Variants in PKIA observed in about 807,000 individuals in gnomAD.
PKIA encodes cAMP-dependent protein kinase inhibitor alpha, also known as PKI-alpha.
In PKIA, 4 loss-of-function variants were observed where a neutral mutation model predicts 7.6. That is an observed-to-expected ratio of 0.52 (90% CI 0.26 to 1.20). The LOEUF is 1.20. PKIA is among the 50% of genes most tolerant of loss of function. PKIA has a pLI of 0.13. For synonymous variants in PKIA, 21 were observed against 30.7 expected (o/e 0.68, Z 1.04); for missense variants, 73 against 86.2 (o/e 0.85, Z 0.61).
At chr8:78,589,378 A>G (rs1808038105) in intron 2 of PKIA, among the ~76,000 whole-genome samples, 1 of 152,252 alleles carries the variant, frequency 6.6e-6, no homozygotes, top group Non-Finnish European at 1.5e-5. Context: ...CTCGTTGCCC[A>G]ATTATAAAAG....
At chr8:78,538,311 T>C (rs758383525) in intron 1 of PKIA, among the ~76,000 whole-genome samples, 1 of 152,074 alleles carries the variant, frequency 6.6e-6, no homozygotes, top group Admixed American at 6.6e-5. Context: ...TTCTCTCTCA[T>C]GGTACTACTC....
intron 1 of PKIA, among the ~76,000 whole-genome samples, chr8:78,544,103 CA>C (rs1806762718): frequency 6.6e-6 from 1 of 152,080 alleles, no homozygotes; most frequent in Non-Finnish European, 1.5e-5. Context: ...ATAAATCAGA[CA>C]AAAATTATTA....
At chr8:78,582,514 A>C (rs1269956376) in intron 2 of PKIA, among the ~76,000 whole-genome samples, 1 of 152,062 alleles carries the variant, frequency 6.6e-6, no homozygotes, top group African/African-American at 2.4e-5. Flanking sequence ...CTCCCACAAC[A>C]CGTGAGGATT....
At chr8:78,580,940 G>A (rs913622969) in intron 2 of PKIA, among the ~76,000 whole-genome samples, 6 of 151,968 alleles carry the variant, frequency 3.9e-5, no homozygotes, top group African/African-American at 1.5e-4. Flanking sequence ...AACTGTAGAT[G>A]AACGTGTTTT....
At chr8:78,529,355 G>A (rs1213890097) in intron 1 of PKIA, among the ~76,000 whole-genome samples, 1 of 151,988 alleles carries the variant, frequency 6.6e-6, no homozygotes, top group Non-Finnish European at 1.5e-5. Context: ...AAAATATGGA[G>A]TGGGCAACAA....
chr8:78,552,312 C>T (rs537386428), intron 1 of PKIA, among the ~76,000 whole-genome samples: 4 of 148,094 alleles, frequency 2.7e-5, no homozygotes, highest in African/African-American at 7.5e-5. Flanking sequence ...GTCATTTGAC[C>T]GATTTTACCA....
chr8:78,528,001 T>G (rs1806290182), intron 1 of PKIA, among the ~76,000 whole-genome samples: 1 of 152,130 alleles, frequency 6.6e-6, no homozygotes, highest in African/African-American at 2.4e-5. Flanking sequence ...AGATCTGTTT[T>G]TTAGGTATTT....
intron 1 of PKIA, among the ~76,000 whole-genome samples, chr8:78,540,918 C>T (rs1806671625): frequency 6.6e-6 from 1 of 151,908 alleles, no homozygotes; most frequent in African/African-American, 2.4e-5. Flanking sequence ...AGCACATTAA[C>T]CAGATGTTTT....
At chr8:78,550,090 A>T (rs1806946272) in intron 1 of PKIA, among the ~76,000 whole-genome samples, 3 of 152,258 alleles carry the variant, frequency 2.0e-5, no homozygotes, top group Non-Finnish European at 4.4e-5. Flanking sequence ...GCAAGCAAAG[A>T]TGTATTCAAG....
At chr8:78,530,559 G>C (rs952550201) in intron 1 of PKIA, among the ~76,000 whole-genome samples, 5 of 151,782 alleles carry the variant, frequency 3.3e-5, no homozygotes, top group African/African-American at 1.2e-4. Context: ...TCTATCAGCA[G>C]CTCCTCTTGA....
chr8:78,524,134 A>ATATAAATATATG (rs1207202771), intron 1 of PKIA, among the ~76,000 whole-genome samples: 7 of 136,756 alleles, frequency 5.1e-5, no homozygotes, highest in Non-Finnish European at 1.1e-4. Flanking sequence ...TTATATTTAT[A>ATATAAATATATG]TATAAACATT....
chr8:78,528,553 A>G (rs892320037), intron 1 of PKIA, among the ~76,000 whole-genome samples: 5 of 151,714 alleles, frequency 3.3e-5, no homozygotes, highest in African/African-American at 1.2e-4. Context: ...GACTGGGTGC[A>G]GTGGTTCATG....
chr8:78,594,130 G>A (rs1258665328), intron 2 of PKIA, among the ~76,000 whole-genome samples: 1 of 152,132 alleles, frequency 6.6e-6, no homozygotes, highest in African/African-American at 2.4e-5. Context: ...GCCCTGTAGG[G>A]TACAAATCAA....
At chr8:78,591,023 C>T (rs940240305) in intron 2 of PKIA, among the ~76,000 whole-genome samples, 14 of 152,156 alleles carry the variant, frequency 9.2e-5, no homozygotes, top group African/African-American at 3.4e-4. Flanking sequence ...TTCTTTCTTT[C>T]TTTCTTACTT....
intron 1 of PKIA, among the ~76,000 whole-genome samples, chr8:78,524,554 T>TA (rs1324626679): frequency 6.6e-6 from 1 of 151,752 alleles, no homozygotes; most frequent in Non-Finnish European, 1.5e-5. Context: ...TAATAATCAG[T>TA]AAAAAAGAGT....
intron 2 of PKIA, among the ~76,000 whole-genome samples, chr8:78,580,002 T>A (rs1188489110): frequency 6.6e-6 from 1 of 151,978 alleles, no homozygotes; most frequent in South Asian, 2.1e-4. Context: ...ATTACATGAA[T>A]CCTGAGTGGC....
intron 1 of PKIA, among the ~76,000 whole-genome samples, chr8:78,536,487 A>G (rs2118385300): frequency 6.6e-6 from 1 of 152,216 alleles, no homozygotes; most frequent in Admixed American, 6.5e-5. Flanking sequence ...TAGGTAGACA[A>G]TCCAATTCTA....
At chr8:78,517,161 AT>A (rs1269554432) in intron 1 of PKIA, among the ~76,000 whole-genome samples, 1 of 152,186 alleles carries the variant, frequency 6.6e-6, no homozygotes, top group East Asian at 1.9e-4. Context: ...TCCATGACTG[AT>A]TTTGTCAAGG....
intron 1 of PKIA, among the ~76,000 whole-genome samples, chr8:78,547,902 A>G (rs954286859): frequency 2.0e-5 from 3 of 152,108 alleles, no homozygotes; most frequent in African/African-American, 7.2e-5. Flanking sequence ...TACATGACCT[A>G]CTTTGTCCAG....
Sources: gnomAD v4.1 joint callset for allele counts (sites outside exome capture counted in the v4.1 genomes callset) on GRCh38, gnomAD v4.1.1 for gene constraint, MANE v1.5 for transcripts, NCBI Gene and HGNC (gene_info 2026-07-23, HGNC 2026-07-21) for gene names.